Variants in PRKCH observed in about 807,000 individuals in gnomAD.
The protein encoded by PRKCH is protein kinase C eta type.
PRKCH carries 28 observed loss-of-function variants against 82.5 expected under a neutral mutation model. The ratio of observed to expected loss-of-function variants is 0.34; its 90% CI spans 0.25 to 0.47. The LOEUF is 0.47. Among genes scored for constraint, PRKCH ranks in the 20% least tolerant of loss-of-function variants. PRKCH has a pLI of 1.00. For synonymous variants in PRKCH, 322 were observed against 327.4 expected, an observed-to-expected ratio of 0.98 and a Z score of 0.18; for missense variants, 705 against 881.8, an observed-to-expected ratio of 0.80 and a Z score of 2.54.
chr14:61,209,885 A>G (rs2044556180), intron 1 of PRKCH, among the ~76,000 whole-genome samples: 1 of 151,748 alleles, frequency 6.6e-6, no homozygotes, highest in East Asian at 1.9e-4. Flanking sequence ...TTTAGCACCC[A>G]CTTATAAATG....
At chr14:61,208,348 A>G (rs1241263174) in intron 1 of PRKCH, among the ~76,000 whole-genome samples, 1 of 152,176 alleles carries the variant, frequency 6.6e-6, no homozygotes, top group Non-Finnish European at 1.5e-5. Flanking sequence ...TAAGGGACAA[A>G]AAAAATTATA....
chr14:61,313,466 A>T (rs180847551), intron 1 of PRKCH, among the ~76,000 whole-genome samples: 4 of 152,188 alleles, frequency 2.6e-5, no homozygotes. Context: ...ATTTTAAACC[A>T]TTTTATTTTG....
At chr14:61,411,759 G>A (rs879633389) in intron 2 of PRKCH, among the ~76,000 whole-genome samples, 1 of 152,200 alleles carries the variant, frequency 6.6e-6, no homozygotes, top group Non-Finnish European at 1.5e-5. Flanking sequence ...AGAGACAGCT[G>A]CACCAAGACA....
chr14:61,511,762 A>C (rs572615482), intron 10 of PRKCH, among the ~76,000 whole-genome samples: 2 of 152,290 alleles, frequency 1.3e-5, no homozygotes, highest in African/African-American at 4.8e-5. Context: ...GCATCAGTGG[A>C]AAGTTACAGG....
At chr14:61,455,434 T>C (rs1594725274) in intron 7 of PRKCH, among the ~76,000 whole-genome samples, 1 of 152,356 alleles carries the variant, frequency 6.6e-6, no homozygotes, top group East Asian at 1.9e-4. Context: ...GTGATTTAGA[T>C]GAATGGGTTT....
chr14:61,404,650 G>A (rs1479889076), intron 2 of PRKCH, among the ~76,000 whole-genome samples: 1 of 152,222 alleles, frequency 6.6e-6, no homozygotes, highest in African/African-American at 2.4e-5. Flanking sequence ...CTCCACAGGT[G>A]GTACATGCTA....
intron 1 of PRKCH, among the ~76,000 whole-genome samples, chr14:61,189,122 C>T (rs2044390491): frequency 6.6e-6 from 1 of 152,240 alleles, no homozygotes; most frequent in South Asian, 2.1e-4. Context: ...CAGGGTGCGG[C>T]GGTGACTCGC....
At chr14:61,227,550 G>A (rs1015477975) in intron 1 of PRKCH, among the ~76,000 whole-genome samples, 7 of 152,204 alleles carry the variant, frequency 4.6e-5, no homozygotes, top group Admixed American at 3.3e-4. Context: ...GCAGAGATGC[G>A]CCACTGCACT....
chr14:61,425,232 CA>C (rs1454015455), intron 2 of PRKCH, among the ~76,000 whole-genome samples: 1 of 152,200 alleles, frequency 6.6e-6, no homozygotes, highest in Non-Finnish European at 1.5e-5. Flanking sequence ...CTCCAGACCC[CA>C]GCAGATGGTA....
intron 2 of PRKCH, among the ~76,000 whole-genome samples, chr14:61,412,917 C>A (rs536395167): frequency 1.3e-5 from 2 of 152,266 alleles, no homozygotes; most frequent in African/African-American, 4.8e-5. Context: ...GAAGCTACAC[C>A]TTTTCCTGGG....
intron 1 of PRKCH, among the ~76,000 whole-genome samples, chr14:61,221,401 C>T (rs2044654941): frequency 6.6e-6 from 1 of 152,074 alleles, no homozygotes; most frequent in African/African-American, 2.4e-5. Flanking sequence ...TCTTCTCTCT[C>T]ATCTTCATCT....
At chr14:61,192,900 C>A (rs1484319943) in intron 1 of PRKCH, among the ~76,000 whole-genome samples, 1 of 152,198 alleles carries the variant, frequency 6.6e-6, no homozygotes, top group Non-Finnish European at 1.5e-5. Context: ...AGAGCAACCA[C>A]TTCTAAACTG....
chr14:61,304,336 A>G (rs1165929992), intron 1 of PRKCH: 1 of 152,142 alleles, frequency 6.6e-6, no homozygotes, highest in East Asian at 1.9e-4. Flanking sequence ...AGAAGAAAAA[A>G]GTTCTTTATA....
At chr14:61,211,171 A>G (rs1019458080) in intron 1 of PRKCH, among the ~76,000 whole-genome samples, 7 of 152,216 alleles carry the variant, frequency 4.6e-5, no homozygotes, top group Non-Finnish European at 1.0e-4. Context: ...GGGAGTGGCC[A>G]TGATACATGG....
In PRKCH at chr14:61,443,177, G is replaced by A. The variant is rs760356143; in HGVS notation, c.494G>A (p.Arg165Gln). The A allele has an allele frequency of 5.0e-6, 8 of 1,614,032 alleles. No homozygotes were observed. The highest frequency in any genetic ancestry group is 1.7e-5 in the Admixed American group (1 of 60,004). Residue 165 changes from arginine to glutamine, a missense_variant, in exon 3 of 14, where the codon CGA (arginine) becomes CAA (glutamine). Arg to Gln is a conservative substitution (Grantham distance 43). Transcript: ENST00000332981. ...AAGCGCCAAAGGGCTATGCGAAGGC[G>A]AGTCCACCAGATCAATGGACACAAG... is the stretch of plus-strand genomic sequence containing the variant. ...TRKRQRAMRR[R>Q]VHQINGHKFM...
chr14:61,514,808 G>T (rs1374471384), intron 10 of PRKCH, among the ~76,000 whole-genome samples: 1 of 152,178 alleles, frequency 6.6e-6, no homozygotes, highest in Admixed American at 6.5e-5. Context: ...CATGGATATT[G>T]CATTTTAGGT....
At chr14:61,408,423 A>T (rs1263536617) in intron 2 of PRKCH, among the ~76,000 whole-genome samples, 1 of 152,174 alleles carries the variant, frequency 6.6e-6, no homozygotes, top group African/African-American at 2.4e-5. Flanking sequence ...TAATCCTTAC[A>T]GTCAAAATTT....
chr14:61,511,801 G>A (rs1272790125), intron 10 of PRKCH, among the ~76,000 whole-genome samples: 2 of 152,158 alleles, frequency 1.3e-5, no homozygotes, highest in Admixed American at 1.3e-4. Context: ...TTTCTAGTCA[G>A]GAATCTGTCA....
At chr14:61,200,968 A>G (rs566348214) in intron 1 of PRKCH, among the ~76,000 whole-genome samples, 2 of 152,254 alleles carry the variant, frequency 1.3e-5, no homozygotes, top group Admixed American at 1.3e-4. Context: ...TTCATTCAAC[A>G]AGAAAATAGG....
Sources: allele counts gnomAD v4.1 joint callset (sites outside exome capture counted in the v4.1 genomes callset), GRCh38; gene constraint gnomAD v4.1.1; transcripts MANE v1.5; gene names NCBI Gene and HGNC (gene_info 2026-07-23, HGNC 2026-07-21).